The following EFTUD2 variants were observed in gnomAD, a reference collection of about 807,000 sequenced individuals.
EFTUD2 encodes 116 kDa U5 small nuclear ribonucleoprotein component.
A neutral mutation model predicts 114.3 loss-of-function variants in EFTUD2; 9 were observed. The observed-to-expected ratio is 0.08, with a 90% CI of 0.05 to 0.14. The LOEUF is 0.14. EFTUD2 is among the 10% of genes least tolerant of loss of function. EFTUD2 has a pLI of 1.00. For missense variants in EFTUD2, 765 were observed against 1,241.2 expected, an observed-to-expected ratio of 0.62 and a Z score of 5.76; for synonymous variants, 449 against 462.3, an observed-to-expected ratio of 0.97 and a Z score of 0.37.
chr17:44,875,749 T>C (rs559044777), intron 10 of EFTUD2, 185 bp downstream of exon 10: 57 of 632,928 alleles, frequency 9.0e-5, no homozygotes, highest in Admixed American at 1.8e-4. Context: ...CTGATCATAA[T>C]AGTAAAATGA....
At position 44,850,652 on chromosome 17, in the gene EFTUD2, G is replaced by A. The variant is rs918485695; in HGVS notation, c.*622C>T. 6 of 388,044 alleles carry A rather than the reference G, an allele frequency of 1.5e-5. No homozygotes were observed. Among genetic ancestry groups the A allele is most frequent in the Middle Eastern group, 7.4e-4 (1 of 1,344 alleles). The allele number at this position is 388,044 out of a possible 1,614,324, so 24.0% of individuals were successfully genotyped here. A position where few individuals can be genotyped will look rare whatever the true frequency, so the allele number is the denominator to read the frequency against. On this transcript the variant is annotated 3_prime_UTR_variant, in exon 28 of 28. Coordinates refer to ENST00000426333, the MANE Select transcript of EFTUD2 (RefSeq NM_004247.4). ...GAGGTGGTGGGGTAGACTTCTGATCGCAGGAACCCAACAACTCCCAAGCCA... is the reference window on the plus strand; with the variant it reads ...GAGGTGGTGGGGTAGACTTCTGATCACAGGAACCCAACAACTCCCAAGCCA...
intron 9 of EFTUD2, 65 bp downstream of exon 9, chr17:44,879,490 GT>G (rs758133874): frequency 6.6e-7 from 1 of 1,510,058 alleles, no homozygotes; most frequent in Non-Finnish European, 9.2e-7. Flanking sequence ...AGTGCTCTGG[GT>G]ATTGTTGCGG....
intron 9 of EFTUD2, among the ~76,000 whole-genome samples, chr17:44,876,327 G>A (rs2050948463): frequency 6.6e-6 from 1 of 152,242 alleles, no homozygotes; most frequent in South Asian, 2.1e-4. Context: ...GAACAATGAT[G>A]TTGGGAGCCA....
At chr17:44,859,347 G>A (rs2050614779) in intron 18 of EFTUD2, 166 bp from the exon 19 acceptor site, 3 of 636,310 alleles carry the variant, frequency 4.7e-6, no homozygotes, top group Non-Finnish European at 8.5e-6. Context: ...ATCTGCCTAT[G>A]AGTGGGTCCT....
rs116497855 is a variant in EFTUD2 at position 44,873,414 on chromosome 17, G to A, written c.870-844C>T. On this transcript the variant is annotated intron_variant, in intron 10 of 27. Coordinates refer to ENST00000426333, the MANE Select transcript of EFTUD2 (RefSeq NM_004247.4). ...CTTGTTGCCCAGGCTGGAGCACAGT[G>A]GTACAATCACCATTCACTGTAGCCT... Among the ~76,000 whole-genome samples the A allele has an allele frequency of 1.1e-3, 163 of 152,072 alleles. 2 individuals carry two copies. Among genetic ancestry groups the A allele is most frequent in the African/African-American group, 3.8e-3 (159 of 41,458 alleles).
intron 2 of EFTUD2, 91 bp from the exon 3 acceptor site, chr17:44,886,841 A>C (rs2051184019): frequency 7.9e-6 from 12 of 1,512,702 alleles, no homozygotes; most frequent in Non-Finnish European, 8.8e-6. Context: ...CACTGACTGT[A>C]CATGCTGGCC....
At chr17:44,893,604 A>G (rs2051321693) in intron 2 of EFTUD2, among the ~76,000 whole-genome samples, 1 of 152,206 alleles carries the variant, frequency 6.6e-6, no homozygotes, top group Non-Finnish European at 1.5e-5. Flanking sequence ...CCATCTCATC[A>G]ATGAAACTAC....
At chr17:44,881,649 G>T in intron 7 of EFTUD2, 38 bp downstream of exon 7, 1 of 1,611,536 alleles carries the variant, frequency 6.2e-7, no homozygotes, top group Non-Finnish European at 8.5e-7. Context: ...TGGTGGGTCT[G>T]GTGTAGGTGA....
Position 44,863,690 on chromosome 17 carries a change from C to T in EFTUD2, c.1378G>A (p.Asp460Asn), listed in dbSNP as rs1179821885. The T allele has an allele frequency of 4.3e-6, 7 of 1,614,000 alleles. No individual in the cohort carries two copies. The highest frequency in any genetic ancestry group is 1.3e-5 in the African/African-American group (1 of 74,932). ...CAGTCACTCATAGCCTCGCCGAGGT[C>T]GGAGTCCACACCACCGGTGTAGGTG... ...EHTYTGGVDS[D>N]LGEAMSDCDP... The change falls in exon 15 of 28, where the codon GAC becomes AAC. Residue 460 changes from aspartate to asparagine, a missense_variant. Coordinates refer to ENST00000426333, the MANE Select transcript of EFTUD2 (RefSeq NM_004247.4).
chr17:44,863,411 G>A (rs1429597171), intron 15 of EFTUD2: 9 of 410,738 alleles, frequency 2.2e-5, no homozygotes, highest in East Asian at 8.8e-5. Context: ...CATAACAACC[G>A]CTCACATTTT....
At chr17:44,860,693 A>G (rs1279947844) in intron 16 of EFTUD2, 150 bp from the exon 17 acceptor site, 2 of 599,164 alleles carry the variant, frequency 3.3e-6, no homozygotes, top group Admixed American at 5.8e-5. Flanking sequence ...CGAACTTCCA[A>G]GGTTCCAGTG....
At chr17:44,859,735 C>T in intron 18 of EFTUD2, 170 bp downstream of exon 18, 1 of 1,052,262 alleles carries the variant, frequency 9.5e-7, no homozygotes, top group Admixed American at 2.3e-5. Context: ...TACACACACA[C>T]ACGTGTCTTG....
Position 44,850,501 on chromosome 17 carries a change from G to C in EFTUD2, c.*773C>G, listed in dbSNP as rs906289654. 1 of 819,364 alleles carries C rather than the reference G, an allele frequency of 1.2e-6. No homozygotes were observed. Among genetic ancestry groups the C allele is most frequent in the African/African-American group, 1.7e-5 (1 of 59,956 alleles). The allele number at this position is 819,364 out of a possible 1,614,324, so 50.8% of individuals were successfully genotyped here. A position where few individuals can be genotyped will look rare whatever the true frequency, so the allele number is the denominator to read the frequency against. ...ATCAACAGACTCTTTTTCACTGGGG[G>C]AGAACAGAGTAAGGGACTGGTGGTA... is the stretch of plus-strand genomic sequence containing the variant. On this transcript the variant is annotated 3_prime_UTR_variant, in exon 28 of 28. Coordinates refer to ENST00000426333, the MANE Select transcript of EFTUD2 (RefSeq NM_004247.4).
In EFTUD2 at chr17:44,859,758, A is replaced by G. The variant is rs540131973; in HGVS notation, c.1860+147T>C. ...CACACGTGTCTTGTCCTGCCTTGAC[A>G]TGACAGCCATAGGCTGGGCTTGCTC... is the stretch of plus-strand genomic sequence containing the variant. On this transcript the variant is annotated intron_variant, in intron 18 of 27. Coordinates refer to ENST00000426333, the MANE Select transcript of EFTUD2 (RefSeq NM_004247.4). The G allele has an allele frequency of 4.3e-5, 57 of 1,311,836 alleles. No individual in the cohort carries two copies. In the South Asian group the frequency reaches 7.6e-4, roughly 18 times the overall value. The allele number at this position is 1,311,836 out of a possible 1,614,324, so 81.3% of individuals were successfully genotyped here.
At position 44,877,627 on chromosome 17, in the gene EFTUD2, G is replaced by A. The variant is rs142494472; in HGVS notation, c.703-1527C>T. ...TCAAGACCAGCCTGACCGACATGGT[G>A]AAACCCCATTTCTACAAAAAATTCA... On this transcript the variant is annotated intron_variant, in intron 9 of 27. Coordinates refer to ENST00000426333, the MANE Select transcript of EFTUD2 (RefSeq NM_004247.4). Among the ~76,000 whole-genome samples, 684 of 152,180 alleles carry A rather than the reference G, an allele frequency of 4.5e-3. 3 individuals are homozygous for A. The highest frequency in any genetic ancestry group is 7.0e-3 in the Non-Finnish European group (474 of 68,018).
chr17:44,872,456 G>C lies in EFTUD2; in HGVS notation c.984C>G (p.Ala328=). Reference sequence around the variant, plus strand: ...CCAGCCAGCGCTTACCAAAGGTGTCGGCATAGATCTTGGCAAAGGAGCCCA... The same window carrying C: ...CCAGCCAGCGCTTACCAAAGGTGTCCGCATAGATCTTGGCAAAGGAGCCCA... ...FTLGSFAKIY[A]DTFGDINYQE... Residue 328 remains alanine (A), a synonymous_variant, in exon 11 of 28, where the codon GCC becomes GCG. Transcript: ENST00000426333. 1 of 1,612,748 alleles carries C rather than the reference G, an allele frequency of 6.2e-7. No homozygotes were observed. Among genetic ancestry groups the C allele is most frequent in the Non-Finnish European group, 8.5e-7 (1 of 1,179,160 alleles).
chr17:44,881,184 A>ACAGAAATAAGAGGAGGGG, intron 7 of EFTUD2, among the ~76,000 whole-genome samples: 1 of 152,058 alleles, frequency 6.6e-6, no homozygotes, highest in East Asian at 1.9e-4. Context: ...TAGGAAAAAG[A>ACAGAAATAAGAGGAGGGG]GACAGAAATA....
rs772677244 is a variant in EFTUD2, at chr17:44,894,455, C to T, written c.67G>A (p.Asp23Asn). ...IGPELDSDED[D>N]DELGRETKDL... ...TTGGTCTCTCTACCCAATTCATCAT[C>T]ATCTTCATCAGAATCAAGCTCTGGT... The change falls in exon 2 of 28, where the codon GAT (aspartate) becomes AAT (asparagine). Residue 23 changes from aspartate (D) to asparagine (N), a missense_variant. Asp to Asn is a conservative substitution (Grantham distance 23). Coordinates refer to ENST00000426333, the MANE Select transcript of EFTUD2 (RefSeq NM_004247.4). 1 of 1,614,162 alleles carries T rather than the reference C, an allele frequency of 6.2e-7. No homozygotes were observed. The highest frequency in any genetic ancestry group is 8.5e-7 in the Non-Finnish European group (1 of 1,179,970).
chr17:44,880,436 A>G (rs1385074900), intron 8 of EFTUD2, 118 bp downstream of exon 8: 1 of 675,904 alleles, frequency 1.5e-6, no homozygotes, highest in African/African-American at 1.8e-5. Context: ...AATGGTTTCA[A>G]TGAAGGTGAG....
Sources: allele counts gnomAD v4.1 joint callset (sites outside exome capture counted in the v4.1 genomes callset), GRCh38; gene constraint gnomAD v4.1.1; transcripts MANE v1.5; gene names NCBI Gene and HGNC (gene_info 2026-07-23, HGNC 2026-07-21).